The following ASPRV1 variants were observed in gnomAD, a reference collection of about 807,000 sequenced individuals.
ASPRV1 encodes the protein retroviral-like aspartic protease 1.
In ASPRV1, 7 loss-of-function variants were observed where a neutral mutation model predicts 11.0. The observed-to-expected ratio is 0.64, with a 90% CI of 0.36 to 1.20. The LOEUF (loss-of-function observed/expected upper bound fraction) is 1.20. Among genes scored for constraint, ASPRV1 ranks in the 50% most tolerant of loss-of-function variants. The pLI is 0.02. For synonymous variants in ASPRV1, 136 were observed against 138.4 expected, an observed-to-expected ratio of 0.98 and a Z score of 0.12; for missense variants, 299 against 320.0, an observed-to-expected ratio of 0.93 and a Z score of 0.50.
At chr2:69,944,841 G>A in the ASPRV1 span, among the ~76,000 whole-genome samples, 1 of 151,876 alleles carries the variant, frequency 6.6e-6, no homozygotes, top group East Asian at 1.9e-4. Flanking sequence ...GGGATCTAGT[G>A]GGAATAAACC....
At chr2:69,980,957 G>A in the ASPRV1 span, among the ~76,000 whole-genome samples, 1 of 152,032 alleles carries the variant, frequency 6.6e-6, no homozygotes, top group South Asian at 2.1e-4. Context: ...TGTATTTTTG[G>A]TAGAGATGGG....
the ASPRV1 span, among the ~76,000 whole-genome samples, chr2:70,022,908 A>G: frequency 2.6e-5 from 4 of 152,190 alleles, no homozygotes; most frequent in Non-Finnish European, 2.9e-5. Flanking sequence ...AAGGGTCCTG[A>G]GACCAAAACT....
the ASPRV1 span, among the ~76,000 whole-genome samples, chr2:70,067,066 C>T: frequency 6.6e-6 from 1 of 152,106 alleles, no homozygotes; most frequent in East Asian, 1.9e-4. Context: ...TTATTCTAAG[C>T]ATCTTATATA....
chr2:70,052,532 G>T, the ASPRV1 span, among the ~76,000 whole-genome samples: 3 of 152,082 alleles, frequency 2.0e-5, no homozygotes, highest in Non-Finnish European at 2.9e-5. Context: ...TATAAGCAGC[G>T]TATCTGTTCA....
chr2:70,029,934 TCCCTCTCCACCCTTC>T, the ASPRV1 span: 1 of 152,182 alleles, frequency 6.6e-6, no homozygotes, highest in African/African-American at 2.4e-5. Context: ...CTCTGGTCTC[TCCCTCTCCACCCTTC>T]CCCTCCCTTT....
chr2:69,948,861 C>T, the ASPRV1 span, among the ~76,000 whole-genome samples: 1 of 152,126 alleles, frequency 6.6e-6, no homozygotes, highest in Non-Finnish European at 1.5e-5. Context: ...CGGCGGGTCC[C>T]CACCTGATCA....
At chr2:70,018,671 G>A in the ASPRV1 span, among the ~76,000 whole-genome samples, 6 of 152,088 alleles carry the variant, frequency 3.9e-5, no homozygotes, top group Non-Finnish European at 8.8e-5. Context: ...CACACACTGG[G>A]GAAAGGACAG....
In ASPRV1 at chr2:69,961,104, G is replaced by A; in HGVS notation, c.333C>T (p.Gly111=). Residue 111 remains glycine, a synonymous_variant, in exon 1 of 1, where the codon GGC becomes GGT. Transcript: ENST00000320256. The part of the protein sequence containing the change: ...EIVFANSMGK[G]YYLKGKIGKV... ...TGCCAATCTTCCCCTTGAGATAGTA[G>A]CCCTTACCCATGCTGTTGGCAAAGA... 6.2e-7 allele frequency: 1 copy of A among 1,613,930 alleles called. No individual in the cohort carries two copies. The highest frequency in any genetic ancestry group is 8.5e-7 in the Non-Finnish European group (1 of 1,179,946).
rs1678118130 is a variant in ASPRV1, at chr2:69,961,624, A to G, written c.-188T>C. ...GCTGACTGCTGGGGCAGAGGCAGGC[A>G]GTGCTGTGGCCTGTTCACTCTGCAG... On this transcript the variant is annotated 5_prime_UTR_variant, in exon 1 of 1. Transcript: ENST00000320256. 1 of 1,606,052 alleles carries G rather than the reference A, an allele frequency of 6.2e-7. No homozygotes were observed. Among genetic ancestry groups the G allele is most frequent in the African/African-American group, 1.3e-5 (1 of 74,858 alleles).
chr2:70,006,970 G>C, the ASPRV1 span, among the ~76,000 whole-genome samples: 1 of 152,122 alleles, frequency 6.6e-6, no homozygotes, highest in Non-Finnish European at 1.5e-5. Context: ...CCACCTACCA[G>C]GTATGTGATC....
At chr2:69,972,125 G>A in the ASPRV1 span, among the ~76,000 whole-genome samples, 41 of 151,710 alleles carry the variant, frequency 2.7e-4, no homozygotes, top group South Asian at 8.3e-4. Context: ...GCAGTGGCGC[G>A]ATCTCGGCTC....
chr2:70,068,695 C>A, the ASPRV1 span, among the ~76,000 whole-genome samples: 1 of 151,682 alleles, frequency 6.6e-6, no homozygotes, highest in African/African-American at 2.4e-5. Context: ...TTTGGGAGGC[C>A]AAGGCGGGCG....
chr2:70,052,097 G>C, the ASPRV1 span, among the ~76,000 whole-genome samples: 1 of 152,048 alleles, frequency 6.6e-6, no homozygotes, highest in East Asian at 1.9e-4. Flanking sequence ...TTCTAATGGA[G>C]GGAAGTTAGG....
At chr2:70,081,615 A>C in the ASPRV1 span, 1 of 151,974 alleles carries the variant, frequency 6.6e-6, no homozygotes, top group Non-Finnish European at 1.5e-5. Context: ...ATAAGGTCTC[A>C]CTCTGTTGTC....
the ASPRV1 span, among the ~76,000 whole-genome samples, chr2:69,988,154 C>T: frequency 4.6e-5 from 7 of 152,226 alleles, no homozygotes; most frequent in Non-Finnish European, 1.0e-4. Context: ...AGCAATTCCA[C>T]TTCTTTAGGT....
chr2:70,000,222 C>G, the ASPRV1 span, among the ~76,000 whole-genome samples: 1 of 151,820 alleles, frequency 6.6e-6, no homozygotes, highest in East Asian at 1.9e-4. Flanking sequence ...GTGGCTCACA[C>G]CTGTAATCCC....
the ASPRV1 span, among the ~76,000 whole-genome samples, chr2:69,972,651 C>T: frequency 2.6e-5 from 4 of 152,262 alleles, no homozygotes; most frequent in South Asian, 8.3e-4. Flanking sequence ...AGCCATTCGC[C>T]GGGCCTGCCG....
chr2:69,988,766 G>C, the ASPRV1 span: 1 of 456,626 alleles, frequency 2.2e-6, no homozygotes. Flanking sequence ...CCCCAGACGA[G>C]AGCTTATAAC....
At chr2:70,059,278 T>G in the ASPRV1 span, among the ~76,000 whole-genome samples, 1 of 148,990 alleles carries the variant, frequency 6.7e-6, no homozygotes, top group Admixed American at 6.7e-5. Context: ...TTTTTTATGG[T>G]AAATTGAATT....
Sources: allele counts gnomAD v4.1 joint callset (sites outside exome capture counted in the v4.1 genomes callset), GRCh38; gene constraint gnomAD v4.1.1; transcripts MANE v1.5; gene names NCBI Gene and HGNC (gene_info 2026-07-23, HGNC 2026-07-21).